Variants in AKAP19 observed in about 807,000 individuals in gnomAD.
The protein encoded by AKAP19 is small A-kinase anchoring protein.
At chr2:189,949,172 C>T in the AKAP19 span, among the ~76,000 whole-genome samples, 2 of 152,136 alleles carry the variant, frequency 1.3e-5, no homozygotes, top group South Asian at 4.1e-4. Flanking sequence ...TCAGTATCTG[C>T]GGGTTTCACA....
At chr2:189,909,243 T>A in the AKAP19 span, among the ~76,000 whole-genome samples, 7 of 151,896 alleles carry the variant, frequency 4.6e-5, no homozygotes, top group African/African-American at 1.7e-4. Flanking sequence ...TTAGTCTGTG[T>A]GTTCTCAAAG....
chr2:190,013,959 C>T, the AKAP19 span, among the ~76,000 whole-genome samples: 3 of 151,444 alleles, frequency 2.0e-5, no homozygotes, highest in African/African-American at 7.3e-5. Context: ...TATTTCCTTC[C>T]TTCTGCTAAC....
the AKAP19 span, among the ~76,000 whole-genome samples, chr2:190,166,428 A>C: frequency 1.4e-5 from 2 of 142,544 alleles, no homozygotes; most frequent in East Asian, 4.0e-4. Flanking sequence ...AGTGCTTTCC[A>C]ACTCATTTTA....
chr2:190,023,358 GGT>G, the AKAP19 span, among the ~76,000 whole-genome samples: 1 of 151,782 alleles, frequency 6.6e-6, no homozygotes, highest in Admixed American at 6.6e-5. Flanking sequence ...TCTTTTCCAG[GGT>G]GTTAATTTTA....
the AKAP19 span, among the ~76,000 whole-genome samples, chr2:190,137,540 T>TA: frequency 1.4e-3 from 219 of 152,294 alleles, 2 homozygotes; most frequent in African/African-American, 5.0e-3. Flanking sequence ...ACAAAGGTCT[T>TA]CATCTTTTTG....
At chr2:189,924,658 A>T in the AKAP19 span, among the ~76,000 whole-genome samples, 1 of 152,182 alleles carries the variant, frequency 6.6e-6, no homozygotes, top group Admixed American at 6.5e-5. Flanking sequence ...TATGTGTGTT[A>T]CACCCCCACA....
the AKAP19 span, among the ~76,000 whole-genome samples, chr2:189,966,537 G>C: frequency 6.6e-6 from 1 of 152,204 alleles, no homozygotes; most frequent in South Asian, 2.1e-4. Flanking sequence ...GGGATGGGAA[G>C]AGGAGGCAAG....
At chr2:190,070,549 G>A in the AKAP19 span, among the ~76,000 whole-genome samples, 1 of 151,322 alleles carries the variant, frequency 6.6e-6, no homozygotes, top group African/African-American at 2.4e-5. Flanking sequence ...TTTTTCTAAG[G>A]TCATAAGAAC....
the AKAP19 span, among the ~76,000 whole-genome samples, chr2:189,970,616 T>C: frequency 6.6e-6 from 1 of 152,194 alleles, no homozygotes; most frequent in Non-Finnish European, 1.5e-5. Flanking sequence ...CATAATCTGT[T>C]TTTCTGTTGA....
the AKAP19 span, among the ~76,000 whole-genome samples, chr2:189,969,112 T>C: frequency 2.2e-4 from 34 of 152,180 alleles, no homozygotes; most frequent in Non-Finnish European, 4.4e-4. Context: ...TTTTACTTTC[T>C]TGCCCAGATC....
the AKAP19 span, among the ~76,000 whole-genome samples, chr2:190,023,820 C>T: frequency 6.4e-5 from 8 of 125,592 alleles, no homozygotes; most frequent in Non-Finnish European, 1.0e-4. Flanking sequence ...TATATATATA[C>T]ATATATATAC....
the AKAP19 span, among the ~76,000 whole-genome samples, chr2:189,904,499 G>A: frequency 6.6e-6 from 1 of 151,992 alleles, no homozygotes; most frequent in African/African-American, 2.4e-5. Flanking sequence ...AACACAGAAT[G>A]GGAAAAGGGT....
At chr2:190,040,050 T>A in the AKAP19 span, among the ~76,000 whole-genome samples, 1 of 152,238 alleles carries the variant, frequency 6.6e-6, no homozygotes, top group Non-Finnish European at 1.5e-5. Context: ...GTAATGGGAT[T>A]GCTGGCTCAA....
the AKAP19 span, among the ~76,000 whole-genome samples, chr2:189,893,586 C>T: frequency 6.6e-6 from 1 of 152,154 alleles, no homozygotes; most frequent in Non-Finnish European, 1.5e-5. Context: ...GAGCCGGGTA[C>T]CTCAGTTGTA....
the AKAP19 span, among the ~76,000 whole-genome samples, chr2:190,064,192 C>T: frequency 2.0e-5 from 3 of 152,002 alleles, no homozygotes; most frequent in African/African-American, 7.2e-5. Context: ...AAAAAATGGC[C>T]TTACATAATG....
chr2:190,050,922 T>C, the AKAP19 span, among the ~76,000 whole-genome samples: 1 of 152,196 alleles, frequency 6.6e-6, no homozygotes, highest in Non-Finnish European at 1.5e-5. Flanking sequence ...ATGGATATTG[T>C]ACATCATTTT....
At chr2:189,888,737 CTGTT>C in the AKAP19 span, among the ~76,000 whole-genome samples, 4 of 152,030 alleles carry the variant, frequency 2.6e-5, no homozygotes, top group East Asian at 3.9e-4. Flanking sequence ...ATTTGGCTCT[CTGTT>C]TGTCTGTTAT....
At chr2:190,057,539 G>A in the AKAP19 span, 45 of 1,613,366 alleles carry the variant, frequency 2.8e-5, no homozygotes, top group Non-Finnish European at 3.6e-5. Context: ...AGAGGGTAAC[G>A]ACAGCATCGT....
chr2:190,128,431 C>G, the AKAP19 span, among the ~76,000 whole-genome samples: 1 of 152,134 alleles, frequency 6.6e-6, no homozygotes, highest in Non-Finnish European at 1.5e-5. Flanking sequence ...CAAACTCTAC[C>G]CAGCTAATCT....
Sources: gnomAD v4.1 joint callset for allele counts (sites outside exome capture counted in the v4.1 genomes callset) on GRCh38, gnomAD v4.1.1 for gene constraint, MANE v1.5 for transcripts, NCBI Gene and HGNC (gene_info 2026-07-23, HGNC 2026-07-21) for gene names.